MBTPS1: variants seen among roughly 807,000 people sequenced by gnomAD.
MBTPS1 encodes membrane bound transcription factor peptidase, site 1.
In MBTPS1, 94 loss-of-function variants were observed where a neutral mutation model predicts 127.8. The observed-to-expected ratio is 0.74, with a 90% CI of 0.62 to 0.87. The LOEUF is 0.87. Among genes scored for constraint, MBTPS1 ranks in the 40% least tolerant of loss-of-function variants. The probability of loss-of-function intolerance (pLI) is 0.00; values close to 1 mark genes in which losing one functional copy is unlikely to be tolerated. For synonymous variants in MBTPS1, 632 were observed against 509.4 expected (o/e 1.24, Z -3.24); for missense variants, 1,636 against 1,353.2 (o/e 1.21, Z -3.28).
chr16:84,067,382 T>G (rs1394250252), intron 16 of MBTPS1, among the ~76,000 whole-genome samples: 2 of 152,172 alleles, frequency 1.3e-5, no homozygotes, highest in Non-Finnish European at 2.9e-5. Context: ...TGAGATAGGG[T>G]CTCTCTGACA....
intron 10 of MBTPS1, among the ~76,000 whole-genome samples, chr16:84,084,218 A>C (rs2085985360): frequency 6.6e-6 from 1 of 152,152 alleles, no homozygotes; most frequent in South Asian, 2.1e-4. Flanking sequence ...TCAGCCTCCC[A>C]AAATGCTGGG....
intron 21 of MBTPS1, 128 bp downstream of exon 21, chr16:84,059,174 C>G: frequency 1.6e-6 from 2 of 1,264,462 alleles, no homozygotes; most frequent in Non-Finnish European, 2.2e-6. Flanking sequence ...AAATAACTGT[C>G]GCAAATGACA....
intron 1 of MBTPS1, among the ~76,000 whole-genome samples, chr16:84,107,271 G>A (rs1490708358): frequency 6.6e-6 from 1 of 152,208 alleles, no homozygotes; most frequent in Non-Finnish European, 1.5e-5. Flanking sequence ...GGGTGAGCCT[G>A]GCCGCCAGAC....
intron 10 of MBTPS1, among the ~76,000 whole-genome samples, chr16:84,083,488 A>C (rs1274204305): frequency 3.3e-5 from 5 of 151,608 alleles, no homozygotes; most frequent in African/African-American, 4.9e-5. Context: ...ATGAGGTCTC[A>C]CTATGTTGCC....
At chr16:84,066,857 G>A (rs902994666) in intron 16 of MBTPS1, among the ~76,000 whole-genome samples, 1 of 152,168 alleles carries the variant, frequency 6.6e-6, no homozygotes, top group African/African-American at 2.4e-5. Context: ...TTACCGAAAT[G>A]CACCAGAGAT....
At chr16:84,068,595 C>CATCA in intron 14 of MBTPS1, 141 bp from the exon 15 acceptor site, 1 of 643,752 alleles carries the variant, frequency 1.6e-6, no homozygotes. Context: ...CTGGCACAGG[C>CATCA]ATCAGCTTAG....
intron 2 of MBTPS1, among the ~76,000 whole-genome samples, chr16:84,100,999 CAAAAAAAA>C (rs562200642): frequency 5.8e-5 from 4 of 68,568 alleles, no homozygotes; most frequent in African/African-American, 2.2e-4. Context: ...ACTAAAAATA[CAAAAAAAA>C]AAAAAAAAAA....
intron 1 of MBTPS1, among the ~76,000 whole-genome samples, chr16:84,112,504 C>CA (rs995900772): frequency 1.4e-4 from 21 of 149,956 alleles, no homozygotes; most frequent in South Asian, 4.2e-4. Flanking sequence ...CTAAAAAATA[C>CA]AAAAAAAATT....
chr16:84,058,064 G>C (rs2085546316), intron 21 of MBTPS1: 1 of 152,162 alleles, frequency 6.6e-6, no homozygotes, highest in Non-Finnish European at 1.5e-5. Flanking sequence ...ATGCAAAAAT[G>C]GAAACTTATC....
chr16:84,097,938 G>C (rs919226592), intron 3 of MBTPS1, among the ~76,000 whole-genome samples: 1 of 151,368 alleles, frequency 6.6e-6, no homozygotes, highest in Admixed American at 6.6e-5. Flanking sequence ...AGACAAAGAA[G>C]AGTAAAATTT....
Position 84,066,541 on chromosome 16 carries a change from C to T in MBTPS1, c.2301G>A (p.Met767Ile). 1 of 1,614,198 alleles carries T rather than the reference C, an allele frequency of 6.2e-7. No homozygotes were observed. Among genetic ancestry groups the T allele is most frequent in the Non-Finnish European group, 8.5e-7 (1 of 1,180,042 alleles). Residue 767 changes from methionine (M) to isoleucine (I), a missense_variant, in exon 17 of 23, where the codon ATG becomes ATA. By Grantham distance (10) the Met-to-Ile change is conservative. Coordinates refer to ENST00000343411, the MANE Select transcript of MBTPS1 (RefSeq NM_003791.4). The part of the protein sequence containing the change: ...ALNELLSVWN[M>I]GFSDGLYEGE... ...CTTCATACAGGCCATCGCTGAACCC[C>T]ATGTTCCACACAGACAGCAGCTCAT... is the stretch of plus-strand genomic sequence containing the variant.
rs201798362 is a variant in MBTPS1 at position 84,081,843 on chromosome 16, C to T, written c.1352G>A (p.Arg451Gln). ...AAACATGTTGACCCCGGGGAGCCTC[C>T]GGGCTGACGCGATCAGGGCCTGCTT... Reference protein sequence around the residue: ...SMKQALIASARRLPGVNMFEQ... With the variant: ...SMKQALIASAQRLPGVNMFEQ... Residue 451 changes from arginine (R) to glutamine (Q), a missense_variant, in exon 11 of 23, where the codon CGG becomes CAG. Arg to Gln is a conservative substitution (Grantham distance 43). Transcript: ENST00000343411. 5.2e-6 allele frequency: 8 copies of T among 1,529,944 alleles called. No homozygotes were observed. The highest frequency in any genetic ancestry group is 2.5e-5 in the East Asian group (1 of 39,584). The allele number at this position is 1,529,944 out of a possible 1,614,324, so 94.8% of individuals were successfully genotyped here.
At position 84,093,174 on chromosome 16, in the gene MBTPS1, C is replaced by A. The variant is rs16962805; in HGVS notation, c.846+14G>T. 5 of 1,566,102 alleles carry A rather than the reference C, an allele frequency of 3.2e-6. No homozygotes were observed. The Admixed American group carries it at 8.3e-5, about 26-fold the overall frequency. ...ATGAATTCCTCAAGTTTCAGGAGTC[C>A]TCAAAACACCTACCTGATTATTGGT... is the stretch of plus-strand genomic sequence containing the variant. On this transcript the variant is annotated intron_variant, in intron 6 of 22. Coordinates refer to ENST00000343411, the MANE Select transcript of MBTPS1 (RefSeq NM_003791.4).
intron 1 of MBTPS1, 99 bp downstream of exon 1, chr16:84,116,636 C>A (rs963524123): frequency 2.6e-5 from 4 of 152,086 alleles, no homozygotes; most frequent in African/African-American, 9.7e-5. Context: ...CCGCAGCCCT[C>A]GCCTCGGGGC....
chr16:84,071,560 C>T (rs1027197526), intron 12 of MBTPS1, among the ~76,000 whole-genome samples: 2 of 152,140 alleles, frequency 1.3e-5, no homozygotes, highest in Admixed American at 6.5e-5. Flanking sequence ...GAAAAACTTT[C>T]GCCCATCTCT....
intron 10 of MBTPS1, among the ~76,000 whole-genome samples, chr16:84,084,040 G>GCCT (rs765018330): frequency 2.8e-4 from 43 of 152,274 alleles, no homozygotes; most frequent in Middle Eastern, 3.4e-3. Flanking sequence ...GTTCACTGCA[G>GCCT]CCTCCTCCTC....
intron 1 of MBTPS1, among the ~76,000 whole-genome samples, chr16:84,108,897 T>C (rs940999092): frequency 2.0e-5 from 3 of 152,180 alleles, no homozygotes; most frequent in African/African-American, 7.2e-5. Flanking sequence ...AGAGAAAAAA[T>C]AAATGAACCA....
At chr16:84,082,135 A>G (rs1462158990) in intron 10 of MBTPS1, 1 of 350,064 alleles carries the variant, frequency 2.9e-6, no homozygotes, top group Non-Finnish European at 5.1e-6. Context: ...CTTATGCTAA[A>G]TGCATCAGTA....
intron 16 of MBTPS1, 118 bp from the exon 17 acceptor site, chr16:84,066,731 A>G: frequency 1.0e-6 from 1 of 994,992 alleles, no homozygotes; most frequent in Non-Finnish European, 1.4e-6. Context: ...TTCCACACTA[A>G]GGCTTCAACT....
Sources: allele counts gnomAD v4.1 joint callset (sites outside exome capture counted in the v4.1 genomes callset), GRCh38; gene constraint gnomAD v4.1.1; transcripts MANE v1.5; gene names NCBI Gene and HGNC (gene_info 2026-07-23, HGNC 2026-07-21).